Variants in RPH3A observed in about 807,000 individuals in gnomAD.
The protein encoded by RPH3A is rabphilin-3A.
In RPH3A, 48 loss-of-function variants were observed where a neutral mutation model predicts 102.2. That is an observed-to-expected ratio of 0.47 (90% CI 0.37 to 0.60). The LOEUF is 0.60. Ranked by LOEUF, RPH3A falls within the 20% of genes least tolerant of loss-of-function variation. The pLI, the probability that RPH3A is intolerant of heterozygous loss-of-function variation, is 0.00. For synonymous variants in RPH3A, 310 were observed against 324.3 expected (o/e 0.96, Z 0.47); for missense variants, 781 against 910.1 (o/e 0.86, Z 1.83).
intron 1 of RPH3A, among the ~76,000 whole-genome samples, chr12:112,745,874 T>A (rs1472163118): frequency 6.6e-6 from 1 of 152,096 alleles, no homozygotes; most frequent in Non-Finnish European, 1.5e-5. Flanking sequence ...GGTTTCCTGG[T>A]GGTGGTCATT....
chr12:112,724,833 G>T (rs542234416), intron 1 of RPH3A, among the ~76,000 whole-genome samples: 5 of 152,120 alleles, frequency 3.3e-5, no homozygotes, highest in Non-Finnish European at 7.4e-5. Flanking sequence ...GCCAGGCGTG[G>T]TGACACACGC....
At chr12:112,713,077 T>A (rs995327300) in intron 1 of RPH3A, among the ~76,000 whole-genome samples, 2 of 138,120 alleles carry the variant, frequency 1.4e-5, no homozygotes, top group African/African-American at 5.5e-5. Flanking sequence ...CTTCTTCTTC[T>A]TCTTCTTCTT....
intron 1 of RPH3A, among the ~76,000 whole-genome samples, chr12:112,658,614 G>C (rs907488525): frequency 1.3e-5 from 2 of 152,226 alleles, no homozygotes; most frequent in African/African-American, 4.8e-5. Context: ...CCTCCTTCCA[G>C]GGTGTCAGCT....
intron 2 of RPH3A, among the ~76,000 whole-genome samples, chr12:112,825,427 C>T (rs751384392): frequency 5.3e-5 from 8 of 152,174 alleles, no homozygotes; most frequent in African/African-American, 9.7e-5. Context: ...ATCTATTCAG[C>T]GTCACAGGAA....
chr12:112,806,986 C>T (rs1945415559), intron 2 of RPH3A, among the ~76,000 whole-genome samples: 1 of 151,936 alleles, frequency 6.6e-6, no homozygotes, highest in Admixed American at 6.6e-5. Flanking sequence ...AAACAGTTTT[C>T]TTGGCAGTGG....
At chr12:112,713,029 T>TCTTCCTCTTCCTCTTCCTCTTCC (rs1565857315) in intron 1 of RPH3A, among the ~76,000 whole-genome samples, 1 of 69,158 alleles carries the variant, frequency 1.4e-5, no homozygotes, top group African/African-American at 7.9e-5. Flanking sequence ...CTTCCTCTTC[T>TCTTCCTCTTCCTCTTCCTCTTCC]TCTTCTTCTT....
chr12:112,685,205 G>A (rs1396378737), intron 1 of RPH3A, among the ~76,000 whole-genome samples: 1 of 152,144 alleles, frequency 6.6e-6, no homozygotes, highest in Non-Finnish European at 1.5e-5. Context: ...CCCAAGTGGT[G>A]GGATTACAGG....
chr12:112,628,583 A>C (rs2039782361), intron 1 of RPH3A, among the ~76,000 whole-genome samples: 2 of 125,758 alleles, frequency 1.6e-5, no homozygotes, highest in Non-Finnish European at 3.2e-5. Context: ...AAAAAAAAAA[A>C]AAAAAAAAAA....
intron 2 of RPH3A, among the ~76,000 whole-genome samples, chr12:112,812,310 G>C (rs190221556): frequency 2.0e-4 from 30 of 152,158 alleles, no homozygotes; most frequent in Non-Finnish European, 3.7e-4. Context: ...GTTAGTACCA[G>C]GAGAATGAGG....
chr12:112,675,588 C>A (rs571872980), intron 1 of RPH3A, among the ~76,000 whole-genome samples: 1 of 152,074 alleles, frequency 6.6e-6, no homozygotes, highest in Non-Finnish European at 1.5e-5. Flanking sequence ...GATTCAAAAG[C>A]GCATTCTTTT....
chr12:112,644,034 T>C (rs1006289312), intron 1 of RPH3A, among the ~76,000 whole-genome samples: 28 of 152,196 alleles, frequency 1.8e-4, no homozygotes, highest in Admixed American at 2.0e-4. Context: ...TTAAGTGAAA[T>C]CACTCAGAAA....
At chr12:112,706,657 C>T (rs922565220) in intron 1 of RPH3A, among the ~76,000 whole-genome samples, 3 of 152,092 alleles carry the variant, frequency 2.0e-5, no homozygotes, top group Admixed American at 1.3e-4. Context: ...TGGTCCTGAC[C>T]GAGTGTCTCA....
At chr12:112,893,892 G>A (rs530978717) in intron 19 of RPH3A, 71 of 152,452 alleles carry the variant, frequency 4.7e-4, no homozygotes, top group Middle Eastern at 6.8e-3. Flanking sequence ...CTGGAAAAGA[G>A]CCCTGTAGGC....
Position 112,866,798 on chromosome 12 carries a change from G to A in RPH3A, c.402G>A (p.Leu134=). The A allele has an allele frequency of 6.2e-7, 1 of 1,611,830 alleles. No homozygotes were observed. Among genetic ancestry groups the A allele is most frequent in the Non-Finnish European group, 8.5e-7 (1 of 1,178,918 alleles). Reference sequence around the variant, plus strand: ...GCGGAGTGGAGACCAACAACCGCCTGCATTCTGTGTGGCTCTGCAAAATCT... The same window carrying A: ...GCGGAGTGGAGACCAACAACCGCCTACATTCTGTGTGGCTCTGCAAAATCT... The part of the protein sequence containing the change: ...TKCGVETNNR[L]HSVWLCKICI... Residue 134 remains leucine, a synonymous_variant, in exon 7 of 22, where the codon CTG becomes CTA. Coordinates refer to ENST00000389385, the MANE Select transcript of RPH3A (RefSeq NM_001143854.2).
At chr12:112,629,181 T>C (rs1164643453) in intron 1 of RPH3A, among the ~76,000 whole-genome samples, 1 of 151,868 alleles carries the variant, frequency 6.6e-6, no homozygotes. Context: ...ATAAAAAAGG[T>C]TGTGAAAATA....
intron 1 of RPH3A, among the ~76,000 whole-genome samples, chr12:112,692,173 G>A (rs929388484): frequency 2.6e-5 from 4 of 152,270 alleles, no homozygotes; most frequent in South Asian, 2.1e-4. Flanking sequence ...GCTGGGAAGC[G>A]TAGGGGAAAG....
intron 1 of RPH3A, among the ~76,000 whole-genome samples, chr12:112,666,347 C>A (rs985262687): frequency 3.9e-5 from 6 of 152,104 alleles, no homozygotes; most frequent in Non-Finnish European, 8.8e-5. Context: ...TCAGATGTGA[C>A]TACATTCTGG....
chr12:112,700,085 T>C (rs1191181594), intron 1 of RPH3A, among the ~76,000 whole-genome samples: 2 of 152,142 alleles, frequency 1.3e-5, no homozygotes, highest in African/African-American at 4.8e-5. Flanking sequence ...TTTTTTTCTT[T>C]TGAGACAGAC....
intron 4 of RPH3A, among the ~76,000 whole-genome samples, chr12:112,846,586 C>T (rs1261629363): frequency 6.6e-6 from 1 of 152,216 alleles, no homozygotes; most frequent in East Asian, 1.9e-4. Flanking sequence ...CAATTTCATG[C>T]CTACTGCTGT....
Sources: gnomAD v4.1 joint callset for allele counts (sites outside exome capture counted in the v4.1 genomes callset) on GRCh38, gnomAD v4.1.1 for gene constraint, MANE v1.5 for transcripts, NCBI Gene and HGNC (gene_info 2026-07-23, HGNC 2026-07-21) for gene names.